DPYD: variants seen among roughly 807,000 people sequenced by gnomAD.
DPYD encodes the protein dihydropyrimidine dehydrogenase [NADP(+)].
In DPYD, 109 loss-of-function variants were observed where a neutral mutation model predicts 116.2. The observed-to-expected ratio is 0.94, with a 90% confidence interval of 0.80 to 1.10. DPYD has a LOEUF of 1.10. Among genes scored for constraint, DPYD ranks in the 50% least tolerant of loss-of-function variants. The probability of loss-of-function intolerance (pLI) is 0.00; values close to 1 mark genes in which losing one functional copy is unlikely to be tolerated. For missense variants in DPYD, 1,302 were observed against 1,254.5 expected, an observed-to-expected ratio of 1.04 and a Z score of -0.57; for synonymous variants, 440 against 432.0, an observed-to-expected ratio of 1.02 and a Z score of -0.23.
chr1:97,686,306 T>C (rs1660721731), intron 7 of DPYD, among the ~76,000 whole-genome samples: 1 of 152,086 alleles, frequency 6.6e-6, no homozygotes, highest in Non-Finnish European at 1.5e-5. Flanking sequence ...ACCCCTTCCT[T>C]ACACCTTATA....
intron 14 of DPYD, among the ~76,000 whole-genome samples, chr1:97,403,665 T>C (rs112251273): frequency 1.3e-5 from 2 of 152,134 alleles, no homozygotes; most frequent in African/African-American, 4.8e-5. Context: ...CACCCTTTCA[T>C]TTCTGATATT....
intron 14 of DPYD, among the ~76,000 whole-genome samples, chr1:97,449,681 C>T (rs1260984778): frequency 1.3e-5 from 2 of 152,132 alleles, no homozygotes; most frequent in Non-Finnish European, 2.9e-5. Context: ...AGATATGCTG[C>T]TTCTGCCTCA....
intron 18 of DPYD, among the ~76,000 whole-genome samples, chr1:97,284,047 T>A (rs914447868): frequency 1.3e-5 from 2 of 152,158 alleles, no homozygotes; most frequent in African/African-American, 4.8e-5. Flanking sequence ...CTCACTATCT[T>A]ATACTTTAAT....
At chr1:97,348,587 G>A (rs1010570166) in intron 16 of DPYD, among the ~76,000 whole-genome samples, 1 of 152,150 alleles carries the variant, frequency 6.6e-6, no homozygotes, top group African/African-American at 2.4e-5. Flanking sequence ...TGAATTTTGA[G>A]GAAAAACAGT....
rs915727522 is a variant in DPYD at position 97,305,241 on chromosome 1, G to T, written c.2299+18C>A. ...CAACCTCCAAGAAAGCACAATGCAA[G>T]AAGTGGGCAACACCTACCAGACACT... On this transcript the variant is annotated intron_variant, in intron 18 of 22. Coordinates refer to ENST00000370192, the MANE Select transcript of DPYD (RefSeq NM_000110.4). 6 of 1,611,746 alleles carry T rather than the reference G, an allele frequency of 3.7e-6. No individual in the cohort carries two copies. The highest frequency in any genetic ancestry group is 1.3e-5 in the African/African-American group (1 of 74,734).
Position 97,173,345 on chromosome 1 carries a change from C to CACACATATAT in DPYD, c.2622+19714_2622+19723dup, listed in dbSNP as rs1233014014. On this transcript the variant is annotated intron_variant, in intron 20 of 22. Coordinates refer to ENST00000370192, the MANE Select transcript of DPYD (RefSeq NM_000110.4). ...ATATACACATATATGTGTATATATG[C>CACACATATAT]ACACATATATGTACATATATACATA... 6.7e-4 allele frequency among the ~76,000 whole-genome samples: 100 copies of CACACATATAT among 148,242 alleles called. No individual in the cohort carries two copies. The East Asian group carries it at 7.6e-3, about 11-fold the overall frequency.
chr1:97,899,307 T>G (rs545656235), intron 1 of DPYD, among the ~76,000 whole-genome samples: 1 of 151,850 alleles, frequency 6.6e-6, no homozygotes, highest in African/African-American at 2.4e-5. Flanking sequence ...GCTTCCCTTA[T>G]TGGCAACTCT....
chr1:97,850,736 T>C (rs1268622798), intron 2 of DPYD, among the ~76,000 whole-genome samples: 1 of 143,238 alleles, frequency 7.0e-6, no homozygotes, highest in Non-Finnish European at 1.5e-5. Context: ...ACCTATTTTT[T>C]CCAACTTAAT....
At chr1:97,472,608 A>T (rs556958728) in intron 13 of DPYD, among the ~76,000 whole-genome samples, 4 of 152,206 alleles carry the variant, frequency 2.6e-5, no homozygotes, top group Non-Finnish European at 5.9e-5. Context: ...CAGTAAGCAG[A>T]TGATGGCCAG....
intron 19 of DPYD, among the ~76,000 whole-genome samples, chr1:97,211,529 T>C (rs1660031588): frequency 6.6e-6 from 1 of 152,184 alleles, no homozygotes; most frequent in African/African-American, 2.4e-5. Flanking sequence ...ACCTTATGAC[T>C]GAGTTTCTCA....
In DPYD at chr1:97,699,520, T is replaced by C; in HGVS notation, c.511A>G (p.Ile171Val). 1 of 1,613,554 alleles carries C rather than the reference T, an allele frequency of 6.2e-7. No homozygotes were observed. The highest frequency in any genetic ancestry group is 8.5e-7 in the Non-Finnish European group (1 of 1,179,586). ...EVFKAMSIPQ[I>V]RNPSLPPPEK... ...GGGGGAGGCAGCGAAGGATTTCTGATCTGTGGGATACTCATTGCTTTGAAT... is the reference window on the plus strand; with the variant it reads ...GGGGGAGGCAGCGAAGGATTTCTGACCTGTGGGATACTCATTGCTTTGAAT... Residue 171 changes from isoleucine to valine, a missense_variant, in exon 6 of 23, where the codon ATC (isoleucine) becomes GTC (valine). By Grantham distance (29) the Ile-to-Val change is conservative. Transcript: ENST00000370192.
At chr1:97,877,591 T>C (rs1378402158) in intron 2 of DPYD, among the ~76,000 whole-genome samples, 1 of 152,032 alleles carries the variant, frequency 6.6e-6, no homozygotes, top group Non-Finnish European at 1.5e-5. Flanking sequence ...ATTTTTTTAT[T>C]TCAGAAACTC....
chr1:97,816,116 A>C (rs1668592960), intron 3 of DPYD, among the ~76,000 whole-genome samples: 1 of 151,746 alleles, frequency 6.6e-6, no homozygotes, highest in Non-Finnish European at 1.5e-5. Flanking sequence ...GCTAGAGTGC[A>C]ATGGCTATTC....
At chr1:97,714,506 G>A (rs951550849) in intron 5 of DPYD, among the ~76,000 whole-genome samples, 4 of 151,884 alleles carry the variant, frequency 2.6e-5, no homozygotes, top group African/African-American at 9.7e-5. Flanking sequence ...ACCACGCCTG[G>A]CCCATATAGA....
Position 97,510,087 on chromosome 1 carries a change from C to T in DPYD, c.1740+5639G>A, listed in dbSNP as rs141281816. Among the ~76,000 whole-genome samples the T allele has an allele frequency of 3.6e-3, 543 of 151,468 alleles. 3 individuals are homozygous for T. The highest frequency in any genetic ancestry group is 0.012 in the African/African-American group (514 of 41,316). On this transcript the variant is annotated intron_variant, in intron 13 of 22. Coordinates refer to ENST00000370192, the MANE Select transcript of DPYD (RefSeq NM_000110.4). ...GCTGTCAACAGGGGCCATCATTAGC[C>T]ATTTACAAAACAAACAAACAAACAA...
At chr1:97,290,396 C>T (rs1406556630) in intron 18 of DPYD, among the ~76,000 whole-genome samples, 1 of 152,144 alleles carries the variant, frequency 6.6e-6, no homozygotes, top group South Asian at 2.1e-4. Context: ...TAAGCCAAAA[C>T]AACAAAGCTG....
chr1:97,554,248 C>A (rs936757132), intron 11 of DPYD, among the ~76,000 whole-genome samples: 4 of 151,962 alleles, frequency 2.6e-5, no homozygotes, highest in East Asian at 1.9e-4. Context: ...AAAAGAGAAA[C>A]CCACAAGCAT....
chr1:97,302,020 G>GT (rs533678059), intron 18 of DPYD, among the ~76,000 whole-genome samples: 5 of 151,866 alleles, frequency 3.3e-5, no homozygotes, highest in Non-Finnish European at 7.4e-5. Context: ...TGAGATTAGG[G>GT]TTTTTTTCCA....
intron 2 of DPYD, among the ~76,000 whole-genome samples, chr1:97,851,297 CTT>C (rs1670558031): frequency 6.7e-6 from 1 of 149,740 alleles, no homozygotes; most frequent in Non-Finnish European, 1.5e-5. Context: ...ATTTAATACT[CTT>C]ATTCAAATAA....
Sources: allele counts gnomAD v4.1 joint callset (sites outside exome capture counted in the v4.1 genomes callset), GRCh38; gene constraint gnomAD v4.1.1; transcripts MANE v1.5; gene names NCBI Gene and HGNC (gene_info 2026-07-23, HGNC 2026-07-21).